The following ZNF786 variants were observed in gnomAD, a reference collection of about 807,000 sequenced individuals.
ZNF786 encodes zinc finger protein 786.
Under a neutral mutation model 63.1 loss-of-function variants are expected in ZNF786, and 56 were observed. That is an observed-to-expected ratio of 0.89 (90% CI 0.72 to 1.11). The LOEUF (loss-of-function observed/expected upper bound fraction) is 1.11, where lower values mean the gene tolerates loss of function less well. ZNF786 is among the 50% of genes least tolerant of loss of function. The pLI, the probability that ZNF786 is intolerant of heterozygous loss-of-function variation, is 0.00. For synonymous variants in ZNF786, 485 were observed against 406.9 expected, an observed-to-expected ratio of 1.19 and a Z score of -2.31; for missense variants, 1,213 against 1,041.8, an observed-to-expected ratio of 1.16 and a Z score of -2.26.
intron 1 of ZNF786, among the ~76,000 whole-genome samples, chr7:149,081,590 A>G (rs12113550): frequency 0.011 from 1,619 of 152,248 alleles, 24 homozygotes; most frequent in African/African-American, 0.037. Context: ...TTGCCTTCCA[A>G]AAAGAATGCA....
chr7:149,081,558 A>G (rs1406845902), intron 1 of ZNF786, among the ~76,000 whole-genome samples: 1 of 152,020 alleles, frequency 6.6e-6, no homozygotes, highest in Non-Finnish European at 1.5e-5. Context: ...ACACATCTTC[A>G]GTTTTAATAG....
intron 1 of ZNF786, among the ~76,000 whole-genome samples, chr7:149,081,846 GAGACTCCTCCAAA>G (rs929212332): frequency 5.2e-4 from 79 of 152,128 alleles, no homozygotes; most frequent in South Asian, 1.2e-3. Flanking sequence ...GAAAATCCTA[GAGACTCCTCCAAA>G]AGACTCCTCC....
intron 2 of ZNF786, among the ~76,000 whole-genome samples, chr7:149,079,474 T>C (rs535993764): frequency 6.6e-6 from 1 of 152,036 alleles, no homozygotes; most frequent in Admixed American, 6.6e-5. Context: ...ACAGACTGAT[T>C]TTTTAAAAAT....
At chr7:149,090,319 A>G (rs969974181) in intron 1 of ZNF786, among the ~76,000 whole-genome samples, 5 of 152,078 alleles carry the variant, frequency 3.3e-5, no homozygotes, top group African/African-American at 1.2e-4. Flanking sequence ...AAACCTTTCT[A>G]TCCTTTCCAC....
chr7:149,072,478 A>C lies in ZNF786; in HGVS notation c.299-5T>G. ...AATTCATAGCCTGCTGGCTTCCTGC[A>C]ATTGAAAACAAAAATTCAGTCGGTA... On this transcript the variant is annotated splice_polypyrimidine_tract_variant and splice_region_variant and intron_variant, in intron 3 of 3. Transcript: ENST00000491431. 6.4e-7 allele frequency: 1 copy of C among 1,566,554 alleles called. No individual in the cohort carries two copies. The highest frequency in any genetic ancestry group is 1.9e-5 in the Admixed American group (1 of 51,718).
chr7:149,087,796 GTTTT>G (rs774798471), intron 1 of ZNF786, among the ~76,000 whole-genome samples: 5 of 142,720 alleles, frequency 3.5e-5, no homozygotes, highest in African/African-American at 1.3e-4. Flanking sequence ...GTTCTTTTAG[GTTTT>G]TTTTTTTTTT....
intron 2 of ZNF786, among the ~76,000 whole-genome samples, chr7:149,079,027 G>A (rs192081016): frequency 4.6e-5 from 7 of 152,274 alleles, no homozygotes; most frequent in Non-Finnish European, 7.4e-5. Context: ...TATTGGAAGC[G>A]TATTTAGATT....
intron 1 of ZNF786, among the ~76,000 whole-genome samples, chr7:149,084,727 C>A (rs1563140176): frequency 2.0e-5 from 3 of 152,118 alleles, no homozygotes; most frequent in East Asian, 3.9e-4. Flanking sequence ...TTGCAAATAT[C>A]CCATTCTGTA....
intron 2 of ZNF786, among the ~76,000 whole-genome samples, chr7:149,074,886 G>C (rs1825515600): frequency 6.6e-6 from 1 of 151,860 alleles, no homozygotes; most frequent in Admixed American, 6.6e-5. Context: ...AGTTGCCAAG[G>C]CTGGAGTGCA....
In ZNF786 at chr7:149,080,339, G is replaced by A. The variant is rs1019921312; in HGVS notation, c.145+252C>T. ...TGGCATCCTGATAGTCATGACTAAAGGCCCCTCATAAATAATATTTAGTCA... is the reference window on the plus strand; with the variant it reads ...TGGCATCCTGATAGTCATGACTAAAAGCCCCTCATAAATAATATTTAGTCA... On this transcript the variant is annotated intron_variant, in intron 2 of 3. Transcript: ENST00000491431. Among the ~76,000 whole-genome samples the A allele has an allele frequency of 5.9e-5, 9 of 152,050 alleles. No individual in the cohort carries two copies. In the South Asian group the frequency reaches 1.0e-3, roughly 18 times the overall value.
rs1458366973 is a variant in ZNF786, at chr7:149,072,036, C to T, written c.736G>A (p.Gly246Ser). ...CACAGCTTCCGGCGGAAGCTCTTAC[C>T]GCACACGCCACACCGGAAGTGCCTC... ...VQRHFRCGVC[G>S]KSFRRKLCLL... The change falls in exon 4 of 4, where the codon GGT becomes AGT. Residue 246 changes from glycine to serine, a missense_variant. Physicochemically the swap from Gly to Ser is moderately conservative, Grantham distance 56 (BLOSUM62 0). Transcript: ENST00000491431. The T allele has an allele frequency of 6.2e-7, 1 of 1,613,068 alleles. No homozygotes were observed. Among genetic ancestry groups the T allele is most frequent in the Non-Finnish European group, 8.5e-7 (1 of 1,179,734 alleles).
In ZNF786 at chr7:149,074,410, C is replaced by G. The variant is rs956243177; in HGVS notation, c.274G>C (p.Gly92Arg). The G allele has an allele frequency of 1.9e-6, 3 of 1,613,858 alleles. No individual in the cohort carries two copies. The East Asian group carries it at 6.7e-5, about 36-fold the overall frequency. Residue 92 changes from glycine (G) to arginine (R), a missense_variant, in exon 3 of 4, where the codon GGT becomes CGT. Coordinates refer to ENST00000491431, the MANE Select transcript of ZNF786 (RefSeq NM_152411.4). ...CCCCAAAACAGCTGTTCCTCAAAAC[C>G]TGGATCAAAATGCATATCAACAGAG... is the stretch of plus-strand genomic sequence containing the variant. The part of the protein sequence containing the change: ...CSSVDMHFDP[G>R]FEEQLFWGSQ...
At chr7:149,088,615 T>G (rs1279310748) in intron 1 of ZNF786, among the ~76,000 whole-genome samples, 1 of 152,208 alleles carries the variant, frequency 6.6e-6, no homozygotes, top group East Asian at 1.9e-4. Flanking sequence ...TTTTAGAAGT[T>G]TAAAAATCCA....
Position 149,070,565 on chromosome 7 carries a change from T to A in ZNF786, c.2207A>T (p.Asp736Val). The change falls in exon 4 of 4, where the codon GAT becomes GTT. Residue 736 changes from aspartate (D) to valine (V), a missense_variant. Physicochemically the swap from Asp to Val is radical, Grantham distance 152 (BLOSUM62 -3). Transcript: ENST00000491431. ...HRPERPFACG[D>V]CGKGFIYKSK... ...CTTGTAAATGAAGCCCTTCCCACAATCGCCACAGGCAAAGGGCCTCTCGGG... is the reference window on the plus strand; with the variant it reads ...CTTGTAAATGAAGCCCTTCCCACAAACGCCACAGGCAAAGGGCCTCTCGGG... 6.2e-7 allele frequency: 1 copy of A among 1,614,012 alleles called. No homozygotes were observed. The highest frequency in any genetic ancestry group is 8.5e-7 in the Non-Finnish European group (1 of 1,179,900).
rs1164732378 is a variant in ZNF786, at chr7:149,073,794, G to GT, written c.298+591dup. On this transcript the variant is annotated intron_variant, in intron 3 of 3. Transcript: ENST00000491431. ...ATATATATATATGTATATATATATA[G>GT]TTTTTTTTTTGAGACTGAGACTTGC... Among the ~76,000 whole-genome samples the GT allele has an allele frequency of 6.9e-4, 51 of 73,974 alleles. 1 individual carries two copies. The highest frequency in any genetic ancestry group is 5.4e-3 in the Admixed American group (34 of 6,336). The allele number at this position is 73,974 out of a possible 152,430, so 48.5% of individuals were successfully genotyped here.
chr7:149,080,854 C>T (rs768002405), intron 1 of ZNF786, 137 bp from the exon 2 acceptor site: 35 of 957,544 alleles, frequency 3.7e-5, no homozygotes, highest in Non-Finnish European at 5.4e-5. Flanking sequence ...TGGAGAACTA[C>T]TCCTTCCTCT....
chr7:149,080,752 G>A, intron 1 of ZNF786, 35 bp from the exon 2 acceptor site: 2 of 1,560,356 alleles, frequency 1.3e-6, no homozygotes, highest in East Asian at 2.3e-5. Flanking sequence ...TGCATTCATG[G>A]TTGCTTCAAA....
chr7:149,080,744 C>T, intron 1 of ZNF786, 27 bp from the exon 2 acceptor site: 1 of 1,568,318 alleles, frequency 6.4e-7, no homozygotes, highest in Middle Eastern at 1.7e-4. Flanking sequence ...AAGACATATG[C>T]ATTCATGGTT....
chr7:149,071,637 G>T lies in ZNF786; in HGVS notation c.1135C>A (p.Pro379Thr). The change falls in exon 4 of 4, where the codon CCT becomes ACT. Residue 379 changes from proline (P) to threonine (T), a missense_variant. Coordinates refer to ENST00000491431, the MANE Select transcript of ZNF786 (RefSeq NM_152411.4). ...GGGCTGGCGAGCCTGGCGCTCATAGGGGAGCGCTCGCCACACTCCGAGCAG... is the reference window on the plus strand; with the variant it reads ...GGGCTGGCGAGCCTGGCGCTCATAGTGGAGCGCTCGCCACACTCCGAGCAG... ...CSCSECGERS[P>T]MSARLASPCR... 1.3e-6 allele frequency: 2 copies of T among 1,578,706 alleles called. No individual in the cohort carries two copies. Among genetic ancestry groups the T allele is most frequent in the East Asian group, 2.3e-5 (1 of 43,244 alleles).
Sources: allele counts gnomAD v4.1 joint callset (sites outside exome capture counted in the v4.1 genomes callset), GRCh38; gene constraint gnomAD v4.1.1; transcripts MANE v1.5; gene names NCBI Gene and HGNC (gene_info 2026-07-23, HGNC 2026-07-21).